NTRK3: variants seen among roughly 807,000 people sequenced by gnomAD.
NTRK3 encodes NT-3 growth factor receptor.
In NTRK3, 24 loss-of-function variants were observed where a neutral mutation model predicts 91.7. That is an observed-to-expected ratio of 0.26 (90% confidence interval 0.19 to 0.37). The LOEUF (loss-of-function observed/expected upper bound fraction) is 0.37, where lower values mean the gene tolerates loss of function less well. Ranked by LOEUF, NTRK3 falls within the 10% of genes least tolerant of loss-of-function variation. The probability of loss-of-function intolerance (pLI) is 1.00; values close to 1 mark genes in which losing one functional copy is unlikely to be tolerated. For synonymous variants in NTRK3, 483 were observed against 404.0 expected, an observed-to-expected ratio of 1.20 and a Z score of -2.34; for missense variants, 880 against 1,068.9, an observed-to-expected ratio of 0.82 and a Z score of 2.46.
At chr15:88,132,966 C>T (rs984042465) in intron 10 of NTRK3, among the ~76,000 whole-genome samples, 2 of 152,092 alleles carry the variant, frequency 1.3e-5, no homozygotes, top group African/African-American at 4.8e-5. Context: ...GGCCAGATTC[C>T]CACTCAATTC....
chr15:87,900,871 C>G (rs1048059405), intron 17 of NTRK3, among the ~76,000 whole-genome samples: 5 of 152,144 alleles, frequency 3.3e-5, no homozygotes, highest in Admixed American at 6.5e-5. Flanking sequence ...AAGACTTCGA[C>G]TAGTTGACCT....
intron 10 of NTRK3, among the ~76,000 whole-genome samples, chr15:88,129,819 C>G (rs954737514): frequency 6.6e-6 from 1 of 152,022 alleles, no homozygotes; most frequent in Non-Finnish European, 1.5e-5. Context: ...ATTATGTAGT[C>G]CCAAAATCCA....
At chr15:88,011,622 G>A (rs1289848675) in intron 14 of NTRK3, among the ~76,000 whole-genome samples, 2 of 152,184 alleles carry the variant, frequency 1.3e-5, no homozygotes, top group Non-Finnish European at 2.9e-5. Context: ...AGAAGCCGCA[G>A]CTGAAGATAT....
intron 5 of NTRK3, among the ~76,000 whole-genome samples, chr15:88,168,585 G>C (rs2045213962): frequency 6.6e-6 from 1 of 152,256 alleles, no homozygotes; most frequent in Non-Finnish European, 1.5e-5. Flanking sequence ...GCTGGCATCA[G>C]CGAAGGTTTC....
chr15:88,182,610 G>A (rs548569148), intron 5 of NTRK3, among the ~76,000 whole-genome samples: 146 of 152,302 alleles, frequency 9.6e-4, no homozygotes, highest in Non-Finnish European at 1.9e-3. Context: ...GGGTGTCCGA[G>A]ATGGCCACTA....
intron 5 of NTRK3, among the ~76,000 whole-genome samples, chr15:88,178,951 G>C (rs187801350): frequency 6.6e-6 from 1 of 152,198 alleles, no homozygotes; most frequent in African/African-American, 2.4e-5. Flanking sequence ...CTCCTGGGAC[G>C]TAAAAAAGTA....
At chr15:87,906,032 C>T (rs957655464) in intron 17 of NTRK3, among the ~76,000 whole-genome samples, 50 of 152,190 alleles carry the variant, frequency 3.3e-4, no homozygotes, top group African/African-American at 1.1e-3. Context: ...ATGGGACATT[C>T]GGGTCACCCA....
intron 14 of NTRK3, among the ~76,000 whole-genome samples, chr15:87,961,035 A>C (rs2072230375): frequency 1.0e-5 from 1 of 99,460 alleles, no homozygotes; most frequent in Non-Finnish European, 2.6e-5. Context: ...CTCATTCAAC[A>C]CAGGTGAAGT....
chr15:87,921,940 C>G (rs1452826434), intron 17 of NTRK3, among the ~76,000 whole-genome samples: 1 of 151,926 alleles, frequency 6.6e-6, no homozygotes, highest in Non-Finnish European at 1.5e-5. Flanking sequence ...AGAATTCTAT[C>G]ATTATTCAAG....
chr15:87,986,453 A>G (rs2074798867), intron 14 of NTRK3, among the ~76,000 whole-genome samples: 1 of 152,224 alleles, frequency 6.6e-6, no homozygotes, highest in African/African-American at 2.4e-5. Flanking sequence ...ACCAGAAGTA[A>G]CCACTGCTCT....
At chr15:87,990,980 C>T (rs2075242372) in intron 14 of NTRK3, among the ~76,000 whole-genome samples, 2 of 152,182 alleles carry the variant, frequency 1.3e-5, no homozygotes, top group Admixed American at 1.3e-4. Context: ...TTCCCATAAT[C>T]CAAGTTCTAA....
chr15:87,936,373 C>T (rs1392941746), intron 15 of NTRK3, among the ~76,000 whole-genome samples: 1 of 152,108 alleles, frequency 6.6e-6, no homozygotes, highest in Non-Finnish European at 1.5e-5. Context: ...CGTGCATCAG[C>T]TGTCATGTCC....
chr15:88,206,671 A>G (rs1486475486), intron 3 of NTRK3, among the ~76,000 whole-genome samples: 1 of 149,502 alleles, frequency 6.7e-6, no homozygotes, highest in Admixed American at 6.7e-5. Context: ...AAAAAAAAAA[A>G]AAAAAACAAA....
chr15:88,034,991 T>C (rs1360710785), intron 13 of NTRK3, among the ~76,000 whole-genome samples: 3 of 151,812 alleles, frequency 2.0e-5, no homozygotes, highest in Non-Finnish European at 4.4e-5. Context: ...CACTAACCAT[T>C]CCCTCTACTA....
At chr15:88,047,540 G>A (rs1161916704) in intron 13 of NTRK3, among the ~76,000 whole-genome samples, 1 of 152,146 alleles carries the variant, frequency 6.6e-6, no homozygotes, top group Non-Finnish European at 1.5e-5. Context: ...CTGATGTCTA[G>A]ATCAGGTTAT....
At chr15:87,874,947 C>T (rs1205434833) in exon 19 of NTRK3, 1 of 232,924 alleles carries the variant, frequency 4.3e-6, no homozygotes, top group Non-Finnish European at 8.5e-6. Context: ...TCACCTGCCT[C>T]CCCTCCCAGT....
intron 13 of NTRK3, among the ~76,000 whole-genome samples, chr15:88,041,071 CACAA>C (rs1452471756): frequency 6.6e-6 from 1 of 152,304 alleles, no homozygotes; most frequent in East Asian, 1.9e-4. Context: ...AAGTATTTTT[CACAA>C]ACAAAGAGTG....
intron 14 of NTRK3, among the ~76,000 whole-genome samples, chr15:87,997,427 T>G (rs1291245204): frequency 6.6e-6 from 1 of 152,168 alleles, no homozygotes; most frequent in African/African-American, 2.4e-5. Context: ...GCAACGAGGA[T>G]GTGAATACAA....
intron 5 of NTRK3, among the ~76,000 whole-genome samples, chr15:88,174,049 T>C (rs7179806): frequency 0.23 from 34,435 of 152,182 alleles, 4,112 homozygotes; most frequent in Middle Eastern, 0.31. Context: ...ACTCACTGCA[T>C]TGGAATGCCT....
Sources: allele counts gnomAD v4.1 joint callset (sites outside exome capture counted in the v4.1 genomes callset), GRCh38; gene constraint gnomAD v4.1.1; transcripts MANE v1.5; gene names NCBI Gene and HGNC (gene_info 2026-07-23, HGNC 2026-07-21).